The following DAZL variants were observed in gnomAD, a reference collection of about 807,000 sequenced individuals.
DAZL encodes deleted in azoospermia like, also known as deleted in azoospermia-like.
In DAZL, 4 loss-of-function variants were observed where a neutral mutation model predicts 45.0. The ratio of observed to expected loss-of-function variants is 0.09; its 90% confidence interval spans 0.04 to 0.20. The LOEUF (loss-of-function observed/expected upper bound fraction) is 0.20. DAZL is among the 10% of genes least tolerant of loss of function. The pLI is 1.00. For missense variants in DAZL, 326 were observed against 351.3 expected (o/e 0.93, Z 0.58); for synonymous variants, 122 against 112.4 (o/e 1.09, Z -0.54).
At chr3:16,601,424 T>C (rs1434104243) in intron 1 of DAZL, among the ~76,000 whole-genome samples, 1 of 152,222 alleles carries the variant, frequency 6.6e-6, no homozygotes, top group Non-Finnish European at 1.5e-5. Context: ...CATCATGTCC[T>C]AGTTCTCAGC....
At chr3:16,588,975 C>G (rs1480450914) in intron 10 of DAZL, among the ~76,000 whole-genome samples, 1 of 151,944 alleles carries the variant, frequency 6.6e-6, no homozygotes, top group East Asian at 1.9e-4. Flanking sequence ...AATAACAGGA[C>G]TTAGACTCAA....
intron 1 of DAZL, among the ~76,000 whole-genome samples, chr3:16,603,268 C>T (rs1694720249): frequency 6.6e-6 from 1 of 152,100 alleles, no homozygotes; most frequent in Non-Finnish European, 1.5e-5. Flanking sequence ...CGCTTTCACC[C>T]AGCAATTCCA....
At chr3:16,600,310 A>T (rs1169658451) in intron 1 of DAZL, among the ~76,000 whole-genome samples, 3 of 152,224 alleles carry the variant, frequency 2.0e-5, no homozygotes, top group Admixed American at 1.3e-4. Context: ...GCTAGAAGTT[A>T]CTGATTCTAC....
Position 16,596,988 on chromosome 3 carries a change from A to G in DAZL, c.358T>C (p.Cys120Arg), listed in dbSNP as rs201242764. The G allele has an allele frequency of 2.7e-5, 43 of 1,612,990 alleles. No homozygotes were observed. The highest frequency in any genetic ancestry group is 6.7e-5 in the African/African-American group (5 of 75,026). Reference protein sequence around the residue: ...LGPAIRKQNLCAYHVQPRPLV... With the variant: ...LGPAIRKQNLRAYHVQPRPLV... ...AAGAACAATTTCTTTTTGTACTCAC[A>G]TAAATTTTGTTTCCTGATTGCAGGG... The change falls in exon 5 of 11, where the codon TGT (cysteine) becomes CGT (arginine). Residue 120 changes from cysteine (C) to arginine (R), a missense_variant and splice_region_variant. Transcript: ENST00000399444.
rs1367861418 is a variant in DAZL, at chr3:16,592,065, T to C, written c.819A>G (p.Gln273=). 1.2e-6 allele frequency: 2 copies of C among 1,613,334 alleles called. No homozygotes were observed. Among genetic ancestry groups the C allele is most frequent in the East Asian group, 2.2e-5 (1 of 44,838 alleles). The part of the protein sequence containing the change: ...ENRLRNSVVT[Q]DDYFKDKRVH... ...ATATTCATACCTTGAAGTAGTCATC[T>C]TGAGTAACAACAGAGTTTCTCAGTC... The change falls in exon 10 of 11, where the codon CAA becomes CAG. Residue 273 remains glutamine (Q), a synonymous_variant. Transcript: ENST00000399444.
At chr3:16,595,764 A>C (rs1322749626) in intron 6 of DAZL, among the ~76,000 whole-genome samples, 2 of 152,202 alleles carry the variant, frequency 1.3e-5, no homozygotes, top group East Asian at 3.9e-4. Context: ...ACTTCTAGAC[A>C]GTTTTGTGTT....
At chr3:16,598,362 A>T in intron 2 of DAZL, 90 bp downstream of exon 2, 1 of 1,537,590 alleles carries the variant, frequency 6.5e-7, no homozygotes, top group Non-Finnish European at 8.9e-7. Flanking sequence ...AACCTCCATG[A>T]AGTACAAAAA....
intron 3 of DAZL, among the ~76,000 whole-genome samples, chr3:16,597,801 ACTAT>A (rs1165740254): frequency 6.6e-6 from 1 of 152,212 alleles, no homozygotes; most frequent in African/African-American, 2.4e-5. Context: ...AATTTAACTT[ACTAT>A]CTAAGACAAG....
chr3:16,603,555 C>CA (rs140687831), intron 1 of DAZL, among the ~76,000 whole-genome samples: 24,696 of 151,930 alleles, frequency 0.16, 2,479 homozygotes, highest in East Asian at 0.46. Context: ...CCGTATTAGC[C>CA]AGGCTGGTCT....
At chr3:16,598,845 G>A (rs1161582185) in intron 1 of DAZL, among the ~76,000 whole-genome samples, 1 of 150,514 alleles carries the variant, frequency 6.6e-6, no homozygotes, top group Non-Finnish European at 1.5e-5. Context: ...GTGCAATGGC[G>A]TGATCTCGGC....
rs1410175814 is a variant in DAZL at position 16,587,914 on chromosome 3, A to G, written c.*746T>C. Reference sequence around the variant, plus strand: ...AAAGAAAAAAGTTTTTACAAAAAAGAAGAATGGTGACTCATTGAGAAGCTT... The same window carrying G: ...AAAGAAAAAAGTTTTTACAAAAAAGGAGAATGGTGACTCATTGAGAAGCTT... On this transcript the variant is annotated 3_prime_UTR_variant, in exon 11 of 11. Transcript: ENST00000399444. 3.9e-5 allele frequency: 6 copies of G among 153,712 alleles called. No individual in the cohort carries two copies. Among genetic ancestry groups the G allele is most frequent in the Non-Finnish European group, 8.7e-5 (6 of 68,984 alleles). The allele number at this position is 153,712 out of a possible 1,614,324, so 9.5% of individuals were successfully genotyped here.
rs573756642 is a variant in DAZL, at chr3:16,605,418, C to A, written c.-213G>T. The A allele has an allele frequency of 3.1e-6, 2 of 642,448 alleles. No homozygotes were observed. Among genetic ancestry groups the A allele is most frequent in the African/African-American group, 1.8e-5 (1 of 55,166 alleles). 39.8% of individuals were successfully genotyped at this position (642,448 alleles called of 1,614,324 possible). A position where few individuals can be genotyped will look rare whatever the true frequency, so the allele number is the denominator to read the frequency against. On this transcript the variant is annotated 5_prime_UTR_variant, in exon 1 of 11. Transcript: ENST00000399444. Reference sequence around the variant, plus strand: ...GGACCGTCAGGCTGAGGAGCGCAGGCGGACTGAGGCGTGGTCCGCGGGGCT... The same window carrying A: ...GGACCGTCAGGCTGAGGAGCGCAGGAGGACTGAGGCGTGGTCCGCGGGGCT...
intron 1 of DAZL, among the ~76,000 whole-genome samples, chr3:16,600,476 A>C (rs1694673578): frequency 6.6e-6 from 1 of 152,168 alleles, no homozygotes. Context: ...AATGATGTGG[A>C]AGAAAAATTT....
At chr3:16,597,374 A>AT (rs1460219686) in intron 4 of DAZL, 116 bp downstream of exon 4, 5 of 836,710 alleles carry the variant, frequency 6.0e-6, no homozygotes, top group African/African-American at 1.7e-5. Context: ...CTAAGTTTGG[A>AT]TTTTTTTGAC....
At chr3:16,597,978 A>C in intron 3 of DAZL, 109 bp downstream of exon 3, 4 of 1,196,470 alleles carry the variant, frequency 3.3e-6, no homozygotes, top group Non-Finnish European at 4.7e-6. Context: ...ACATGAAAGA[A>C]ATTAACACAG....
intron 1 of DAZL, among the ~76,000 whole-genome samples, chr3:16,601,420 G>A (rs907475931): frequency 3.9e-5 from 6 of 152,158 alleles, no homozygotes; most frequent in African/African-American, 1.2e-4. Context: ...GCACCATCAT[G>A]TCCTAGTTCT....
At chr3:16,589,520 G>A (rs570835242) in intron 10 of DAZL, among the ~76,000 whole-genome samples, 2 of 152,122 alleles carry the variant, frequency 1.3e-5, no homozygotes, top group Non-Finnish European at 2.9e-5. Flanking sequence ...GGTCACGCAG[G>A]AAACAAGATT....
chr3:16,603,803 A>G (rs1230719362), intron 1 of DAZL, among the ~76,000 whole-genome samples: 1 of 152,228 alleles, frequency 6.6e-6, no homozygotes, highest in Non-Finnish European at 1.5e-5. Flanking sequence ...ATTATGCAGC[A>G]CGGTGTAACT....
chr3:16,590,001 A>C (rs1308713220), intron 10 of DAZL, among the ~76,000 whole-genome samples: 1 of 152,222 alleles, frequency 6.6e-6, no homozygotes, highest in East Asian at 1.9e-4. Flanking sequence ...TTGCGTCAGG[A>C]GTTTGAGGTT....
Sources: allele counts gnomAD v4.1 joint callset (sites outside exome capture counted in the v4.1 genomes callset), GRCh38; gene constraint gnomAD v4.1.1; transcripts MANE v1.5; gene names NCBI Gene and HGNC (gene_info 2026-07-23, HGNC 2026-07-21).